PDZD2: variants seen among roughly 807,000 people sequenced by gnomAD.
The protein encoded by PDZD2 is PDZ domain containing 2, also known as PDZ domain-containing protein 2.
A neutral mutation model predicts 220.7 loss-of-function variants in PDZD2; 90 were observed. That is an observed-to-expected ratio of 0.41 (90% CI 0.34 to 0.49). The LOEUF (loss-of-function observed/expected upper bound fraction) is 0.49. Ranked by LOEUF, PDZD2 falls within the 20% of genes least tolerant of loss-of-function variation. PDZD2 has a pLI of 0.28. For synonymous variants in PDZD2, 1,375 were observed against 1,450.5 expected (o/e 0.95, Z 1.18); for missense variants, 3,174 against 3,608.5 (o/e 0.88, Z 3.08).
At chr5:31,858,381 A>G (rs1331388969) in intron 2 of PDZD2, among the ~76,000 whole-genome samples, 3 of 152,210 alleles carry the variant, frequency 2.0e-5, no homozygotes, top group African/African-American at 4.8e-5. Context: ...CTCCTTTGCA[A>G]AAATTAGTAC....
intron 2 of PDZD2, among the ~76,000 whole-genome samples, chr5:31,862,978 C>T (rs899163519): frequency 2.6e-5 from 4 of 152,210 alleles, no homozygotes; most frequent in Non-Finnish European, 5.9e-5. Flanking sequence ...CTGCCTGCCT[C>T]GGCCTCCCAA....
At chr5:31,771,741 T>C (rs1428477718) in intron 1 of PDZD2, among the ~76,000 whole-genome samples, 1 of 152,192 alleles carries the variant, frequency 6.6e-6, no homozygotes, top group Non-Finnish European at 1.5e-5. Context: ...GGACGGTTGA[T>C]GCAAGAGTGA....
intron 2 of PDZD2, among the ~76,000 whole-genome samples, chr5:31,959,395 G>C (rs1176691431): frequency 6.6e-6 from 1 of 151,696 alleles, no homozygotes; most frequent in African/African-American, 2.4e-5. Flanking sequence ...GTCTCACTCT[G>C]TTGTCCAGGC....
intron 14 of PDZD2, among the ~76,000 whole-genome samples, chr5:32,067,046 T>G (rs761073651): frequency 1.1e-4 from 17 of 152,256 alleles, no homozygotes; most frequent in Non-Finnish European, 1.9e-4. Flanking sequence ...CCATTTTATG[T>G]TTAATGTATT....
intron 2 of PDZD2, among the ~76,000 whole-genome samples, chr5:31,849,020 G>T (rs1365043856): frequency 1.3e-5 from 2 of 152,164 alleles, no homozygotes. Context: ...CTGCACTCCA[G>T]CCTGGGCGAC....
At chr5:31,908,031 C>T (rs1008510393) in intron 2 of PDZD2, among the ~76,000 whole-genome samples, 11 of 140,354 alleles carry the variant, frequency 7.8e-5, no homozygotes, top group Non-Finnish European at 1.5e-4. Context: ...TTCAGTGAGC[C>T]GAGATCCTGC....
At chr5:31,955,379 C>T (rs1256110495) in intron 2 of PDZD2, among the ~76,000 whole-genome samples, 2 of 152,030 alleles carry the variant, frequency 1.3e-5, no homozygotes, top group African/African-American at 4.8e-5. Context: ...CGGCTCACTG[C>T]ATCTTCTGCC....
intron 1 of PDZD2, among the ~76,000 whole-genome samples, chr5:31,797,480 G>A (rs957053379): frequency 1.4e-4 from 21 of 151,816 alleles, no homozygotes; most frequent in African/African-American, 4.8e-4. Flanking sequence ...GATTACAGGC[G>A]CCTGCCACCA....
At position 32,074,530 on chromosome 5, in the gene PDZD2, A is replaced by G. The variant is rs2112406339; in HGVS notation, c.3424A>G (p.Thr1142Ala). 1.2e-6 allele frequency: 2 copies of G among 1,614,056 alleles called. No homozygotes were observed. The highest frequency in any genetic ancestry group is 3.3e-4 in the Middle Eastern group (2 of 6,062). ...EAEAKPSGSQ[T>A]VNLTGRANDP... ...TGAGGCCAAGCCCAGTGGCTCACAG[A>G]CAGTGAACCTGACTGGCAGAGCCAA... Residue 1142 changes from threonine to alanine, a missense_variant, in exon 18 of 25, where the codon ACA becomes GCA. By Grantham distance (58) the Thr-to-Ala change is moderately conservative. Around this residue, in one of 4 missense-constraint regions of PDZD2, gnomAD observed 1,861 missense variants for 2,001.0 expected, o/e 0.93. Coordinates refer to ENST00000438447, the MANE Select transcript of PDZD2 (RefSeq NM_178140.4).
At chr5:32,007,564 A>G (rs573006563) in intron 5 of PDZD2, among the ~76,000 whole-genome samples, 1 of 152,346 alleles carries the variant, frequency 6.6e-6, no homozygotes, top group South Asian at 2.1e-4. Context: ...ACGTGAAACT[A>G]GTAACAAACA....
At chr5:31,945,655 A>G (rs976319129) in intron 2 of PDZD2, among the ~76,000 whole-genome samples, 9 of 149,992 alleles carry the variant, frequency 6.0e-5, no homozygotes, top group African/African-American at 2.0e-4. Context: ...TCTCTTCCCT[A>G]TGGGAACCCC....
At chr5:32,068,254 C>G (rs774594346) in intron 14 of PDZD2, among the ~76,000 whole-genome samples, 4 of 152,024 alleles carry the variant, frequency 2.6e-5, no homozygotes, top group Non-Finnish European at 4.4e-5. Context: ...CATGAAAGAC[C>G]AAGGAAGATT....
At position 32,088,132 on chromosome 5, in the gene PDZD2, C is replaced by T. The variant is rs766154505; in HGVS notation, c.4684C>T (p.Pro1562Ser). 2 of 1,614,174 alleles carry T rather than the reference C, an allele frequency of 1.2e-6. No homozygotes were observed. Among genetic ancestry groups the T allele is most frequent in the South Asian group, 2.2e-5 (2 of 91,088 alleles). The change falls in exon 20 of 25, where the codon CCT becomes TCT. Residue 1562 changes from proline (P) to serine (S), a missense_variant. Physicochemically the swap from Pro to Ser is moderately conservative, Grantham distance 74. This residue lies in a region of PDZD2 where 1,861 missense variants were observed against 2,001.0 expected (regional missense o/e 0.93). Coordinates refer to ENST00000438447, the MANE Select transcript of PDZD2 (RefSeq NM_178140.4). This position sits in a 1 kb window ranked among gnomAD's most constrained non-coding sequence, Gnocchi z 4.6. ...YGDAEDSSSD[P>S]ESLTEAPRAS... ...CGATGCTGAGGATTCTTCTTCTGAC[C>T]CTGAGTCACTCACTGAAGCCCCACG...
chr5:32,027,730 A>G (rs1296318123), intron 6 of PDZD2, among the ~76,000 whole-genome samples: 2 of 152,126 alleles, frequency 1.3e-5, no homozygotes, highest in African/African-American at 2.4e-5. Context: ...TTTAATTTCT[A>G]CACGTAACTT....
intron 21 of PDZD2, among the ~76,000 whole-genome samples, chr5:32,093,599 A>G (rs1743383508): frequency 1.3e-5 from 2 of 152,226 alleles, no homozygotes; most frequent in Admixed American, 6.5e-5. Context: ...ATAAACAGTC[A>G]ATTAACACAA....
At chr5:32,037,021 G>A (rs1004619820) in intron 6 of PDZD2, among the ~76,000 whole-genome samples, 45 of 152,312 alleles carry the variant, frequency 3.0e-4, no homozygotes, top group African/African-American at 1.1e-3. Context: ...CATGCTGGGC[G>A]GTGAGACGCG....
chr5:31,702,565 C>T lies in PDZD2; in HGVS notation c.-361+63128C>T, dbSNP rs543246561. Among the ~76,000 whole-genome samples the T allele has an allele frequency of 2.0e-5, 3 of 152,318 alleles. No individual in the cohort carries two copies. In the East Asian group the frequency reaches 5.8e-4, roughly 29 times the overall value. On this transcript the variant is annotated intron_variant, in intron 1 of 24. Coordinates refer to ENST00000438447, the MANE Select transcript of PDZD2 (RefSeq NM_178140.4). ...TCTGCGGTTCCTTCCCCCTACCCTG[C>T]CTTTAAAAAGTCTGCCCTACTGATC...
At position 32,089,238 on chromosome 5, in the gene PDZD2, A is replaced by C; in HGVS notation, c.5790A>C (p.Ala1930=). 6.2e-7 allele frequency: 1 copy of C among 1,614,148 alleles called. No individual in the cohort carries two copies. The highest frequency in any genetic ancestry group is 2.2e-5 in the East Asian group (1 of 44,882). ...PQTSHKTLSK[A]VSQRLHVADH... ...CCTCCCACAAAACACTTTCTAAGGC[A>C]GTGTCACAGCGGCTCCATGTAGCCG... Residue 1930 remains alanine (A), a synonymous_variant, in exon 20 of 25, where the codon GCA becomes GCC. Coordinates refer to ENST00000438447, the MANE Select transcript of PDZD2 (RefSeq NM_178140.4).
intron 2 of PDZD2, among the ~76,000 whole-genome samples, chr5:31,857,925 C>G (rs1344899997): frequency 6.6e-6 from 1 of 152,162 alleles, no homozygotes; most frequent in East Asian, 1.9e-4. Context: ...CTCCCGGGTT[C>G]AAGTGATTCT....
Sources: gnomAD v4.1 joint callset for allele counts (sites outside exome capture counted in the v4.1 genomes callset) on GRCh38, gnomAD v4.1.1 for gene constraint, gnomAD v4.1.1 regional missense constraint, Gnocchi (gnomAD v3.1) non-coding constraint, MANE v1.5 for transcripts, NCBI Gene and HGNC (gene_info 2026-07-23, HGNC 2026-07-21) for gene names.